FOXP1: variants seen among roughly 807,000 people sequenced by gnomAD.
FOXP1 encodes the protein forkhead box protein P1.
In FOXP1, 15 loss-of-function variants were observed where a neutral mutation model predicts 98.2. That is an observed-to-expected ratio of 0.15 (90% CI 0.10 to 0.24). The LOEUF (loss-of-function observed/expected upper bound fraction) is 0.24. FOXP1 is among the 10% of genes least tolerant of loss of function. The pLI is 1.00. For missense variants in FOXP1, 633 were observed against 848.5 expected, an observed-to-expected ratio of 0.75 and a Z score of 3.15; for synonymous variants, 371 against 314.5, an observed-to-expected ratio of 1.18 and a Z score of -1.90.
rs1294887978 is a variant in FOXP1, at chr3:71,552,250, T to C, written c.-298+29299A>G. Among the ~76,000 whole-genome samples the C allele has an allele frequency of 5.3e-5, 8 of 152,134 alleles. No homozygotes were observed. In the East Asian group the frequency reaches 1.5e-3, roughly 29 times the overall value. ...ACCTATCAGATGTCAAATTTCTTAG[T>C]TTTTGGAAATATAACAAAAACACAG... On this transcript the variant is annotated intron_variant, in intron 2 of 20. Coordinates refer to ENST00000649528, the MANE Select transcript of FOXP1 (RefSeq NM_001349338.3).
intron 5 of FOXP1, among the ~76,000 whole-genome samples, chr3:71,220,182 T>C (rs1232259833): frequency 1.3e-5 from 2 of 152,208 alleles, no homozygotes; most frequent in Non-Finnish European, 2.9e-5. Flanking sequence ...GTCTTGCCCC[T>C]AACAGGATAC....
chr3:71,416,720 A>C (rs1233658711), intron 3 of FOXP1, among the ~76,000 whole-genome samples: 1 of 151,850 alleles, frequency 6.6e-6, no homozygotes, highest in East Asian at 2.0e-4. Context: ...AGGGAGGCAT[A>C]TTACAGGCAG....
intron 18 of FOXP1, chr3:70,972,108 T>C (rs2036393072): frequency 6.5e-7 from 1 of 1,533,498 alleles, no homozygotes; most frequent in Non-Finnish European, 8.7e-7. Context: ...TCATCAACTG[T>C]CCAAAAGGAC....
intron 4 of FOXP1, among the ~76,000 whole-genome samples, chr3:71,336,473 G>C (rs1242938482): frequency 7.7e-6 from 1 of 130,042 alleles, no homozygotes; most frequent in African/African-American, 2.5e-5. Flanking sequence ...TCCCCTCCCT[G>C]TGTCCATGTG....
At chr3:70,992,379 T>C (rs915287316) in intron 13 of FOXP1, among the ~76,000 whole-genome samples, 6 of 152,054 alleles carry the variant, frequency 3.9e-5, no homozygotes, top group Non-Finnish European at 7.4e-5. Context: ...AGGCAGGGTA[T>C]ATCCAATAAC....
chr3:71,160,690 C>T (rs1010611569), intron 6 of FOXP1, among the ~76,000 whole-genome samples: 6 of 152,194 alleles, frequency 3.9e-5, no homozygotes, highest in African/African-American at 1.4e-4. Flanking sequence ...GTGGTTACCT[C>T]ATGGGACTGC....
intron 4 of FOXP1, among the ~76,000 whole-genome samples, chr3:71,346,207 T>G (rs1303532607): frequency 6.6e-6 from 1 of 152,186 alleles, no homozygotes; most frequent in Non-Finnish European, 1.5e-5. Context: ...AGTCTAAGAA[T>G]TAAGCACTCA....
chr3:71,405,347 C>T (rs1001797018), intron 3 of FOXP1, among the ~76,000 whole-genome samples: 1 of 152,214 alleles, frequency 6.6e-6, no homozygotes, highest in South Asian at 2.1e-4. Flanking sequence ...ATGTTCTGTG[C>T]ATCCAAATCA....
intron 6 of FOXP1, among the ~76,000 whole-genome samples, chr3:71,136,775 T>A (rs942922680): frequency 4.6e-5 from 7 of 151,516 alleles, no homozygotes; most frequent in Non-Finnish European, 7.4e-5. Context: ...GAAGAACAGG[T>A]TTTTACATTT....
intron 2 of FOXP1, among the ~76,000 whole-genome samples, chr3:71,555,858 A>T (rs1398240143): frequency 2.6e-5 from 4 of 152,170 alleles, no homozygotes; most frequent in African/African-American, 9.6e-5. Context: ...ACCTCATACC[A>T]TACACTGAAA....
At chr3:71,298,937 G>A (rs1255172199) in intron 5 of FOXP1, among the ~76,000 whole-genome samples, 1 of 151,980 alleles carries the variant, frequency 6.6e-6, no homozygotes, top group Non-Finnish European at 1.5e-5. Context: ...CAGGTAACCT[G>A]TTTTTAGACA....
chr3:71,438,742 G>GAA (rs766986643), intron 3 of FOXP1, among the ~76,000 whole-genome samples: 53 of 125,860 alleles, frequency 4.2e-4, no homozygotes, highest in African/African-American at 1.3e-3. Context: ...CTAATTTGGA[G>GAA]AAAAAAAAAA....
intron 3 of FOXP1, among the ~76,000 whole-genome samples, chr3:71,444,370 ATTTT>A (rs397947125): frequency 7.0e-6 from 1 of 143,020 alleles, no homozygotes; most frequent in Non-Finnish European, 1.5e-5. Context: ...ACAATCAAGG[ATTTT>A]TTTTTTTTTT....
chr3:71,077,069 G>T (rs1463249114), intron 7 of FOXP1, among the ~76,000 whole-genome samples: 1 of 152,192 alleles, frequency 6.6e-6, no homozygotes, highest in Non-Finnish European at 1.5e-5. Context: ...TATCACATCA[G>T]ACATAGTTAT....
intron 3 of FOXP1, among the ~76,000 whole-genome samples, chr3:71,392,812 T>C (rs977088317): frequency 1.3e-5 from 2 of 152,204 alleles, no homozygotes; most frequent in African/African-American, 4.8e-5. Context: ...TTTAAGATTG[T>C]AAAGAATAAG....
chr3:71,166,708 C>A (rs144422565), intron 6 of FOXP1, among the ~76,000 whole-genome samples: 51 of 152,178 alleles, frequency 3.4e-4, no homozygotes, highest in African/African-American at 1.0e-3. Flanking sequence ...ATGACTGCTG[C>A]AAAATAAACT....
intron 5 of FOXP1, among the ~76,000 whole-genome samples, chr3:71,261,254 T>C (rs2069113822): frequency 6.6e-6 from 1 of 152,206 alleles, no homozygotes; most frequent in African/African-American, 2.4e-5. Context: ...AATAAATCGA[T>C]ATAAATAATG....
chr3:71,308,330 T>C (rs565881334), intron 4 of FOXP1, among the ~76,000 whole-genome samples: 52 of 152,322 alleles, frequency 3.4e-4, no homozygotes, highest in Middle Eastern at 3.4e-3. Context: ...GAACAGATGA[T>C]GAAACGCGAG....
intron 6 of FOXP1, among the ~76,000 whole-genome samples, chr3:71,170,626 G>A (rs150506998): frequency 6.6e-6 from 1 of 152,156 alleles, no homozygotes. Context: ...TTGACTATAG[G>A]ATGTTTTATT....
Sources: gnomAD v4.1 joint callset for allele counts (sites outside exome capture counted in the v4.1 genomes callset) on GRCh38, gnomAD v4.1.1 for gene constraint, MANE v1.5 for transcripts, NCBI Gene and HGNC (gene_info 2026-07-23, HGNC 2026-07-21) for gene names.